Variants in RBFOX2 observed in about 807,000 individuals in gnomAD.
RBFOX2 encodes the protein RNA binding protein fox-1 homolog 2.
RBFOX2 carries 10 observed loss-of-function variants against 49.1 expected under a neutral mutation model. That is an observed-to-expected ratio of 0.20 (90% confidence interval 0.13 to 0.35). The LOEUF (loss-of-function observed/expected upper bound fraction) is 0.35. Ranked by LOEUF, RBFOX2 falls within the 10% of genes least tolerant of loss-of-function variation. The pLI is 1.00. For synonymous variants in RBFOX2, 183 were observed against 187.4 expected (o/e 0.98, Z 0.19); for missense variants, 323 against 486.9 (o/e 0.66, Z 3.17).
intron 2 of RBFOX2, 149 bp downstream of exon 3, chr22:35,809,631 A>G: frequency 1.1e-6 from 1 of 900,044 alleles, no homozygotes; most frequent in East Asian, 2.4e-5. Context: ...AGGGAGGACA[A>G]TGTATACAAT....
intron 8 of RBFOX2, among the ~76,000 whole-genome samples, 192 bp from the exon 10 acceptor site, chr22:35,760,212 C>T (rs1938295581): frequency 6.6e-6 from 1 of 152,136 alleles, no homozygotes; most frequent in South Asian, 2.1e-4. Context: ...AAAGAGAGAC[C>T]CAACATGCAA....
intron 1 of RBFOX2, chr22:35,993,836 AT>A (rs1356704260): frequency 1.3e-5 from 2 of 152,080 alleles, no homozygotes; most frequent in African/African-American, 4.8e-5. Flanking sequence ...AAAATACAAA[AT>A]TTAGCCAGGT....
At chr22:35,838,331 C>T (rs575308630) in intron 1 of RBFOX2, among the ~76,000 whole-genome samples, 1 of 150,788 alleles carries the variant, frequency 6.6e-6, no homozygotes, top group Non-Finnish European at 1.5e-5. Flanking sequence ...TTGTTACACT[C>T]GGCCACAAAT....
At chr22:35,814,444 C>T (rs1271154552) in intron 1 of RBFOX2, among the ~76,000 whole-genome samples, 3 of 151,948 alleles carry the variant, frequency 2.0e-5, no homozygotes, top group Admixed American at 2.0e-4. Flanking sequence ...CATGGTGGCT[C>T]ATGCCTGTAA....
intron 2 of RBFOX2, among the ~76,000 whole-genome samples, chr22:35,802,627 T>C (rs1399273443): frequency 6.6e-6 from 1 of 152,082 alleles, no homozygotes; most frequent in Admixed American, 6.6e-5. Flanking sequence ...GAAGGAGTGG[T>C]AGAAAATCCA....
At chr22:35,897,264 T>C (rs1192061608) in intron 1 of RBFOX2, 1 of 1,503,050 alleles carries the variant, frequency 6.7e-7, no homozygotes, top group East Asian at 2.3e-5. Flanking sequence ...CGGGAGGCAC[T>C]AAATGTTGAC....
At chr22:35,747,688 C>A (rs1933283645) in intron 9 of RBFOX2, 1 of 152,134 alleles carries the variant, frequency 6.6e-6, no homozygotes, top group African/African-American at 2.4e-5. Context: ...AATTCAGATG[C>A]AAATTTTTAT....
intron 1 of RBFOX2, among the ~76,000 whole-genome samples, chr22:35,852,495 A>G (rs1036191899): frequency 2.0e-5 from 3 of 152,002 alleles, no homozygotes; most frequent in Non-Finnish European, 2.9e-5. Flanking sequence ...TTAAAAAAAA[A>G]AAAAAAAAAA....
At chr22:35,937,667 T>C (rs750258492) in intron 1 of RBFOX2, among the ~76,000 whole-genome samples, 4 of 152,048 alleles carry the variant, frequency 2.6e-5, no homozygotes, top group Non-Finnish European at 5.9e-5. Context: ...CTCAGCTCAC[T>C]GCAACCTCTA....
exon 8 of RBFOX2, chr22:35,761,263 G>A: frequency 6.2e-7 from 1 of 1,614,136 alleles, no homozygotes; most frequent in Non-Finnish European, 8.5e-7. Flanking sequence ...CTGCATCATT[G>A]CCTAGGGACA....
At chr22:35,979,099 T>C (rs946040414) in intron 1 of RBFOX2, among the ~76,000 whole-genome samples, 2 of 152,172 alleles carry the variant, frequency 1.3e-5, no homozygotes, top group Admixed American at 6.5e-5. Context: ...CCTCCAGATA[T>C]GATGCAATGA....
chr22:36,025,419 G>A (rs927835482), intron 1 of RBFOX2, among the ~76,000 whole-genome samples: 2 of 151,540 alleles, frequency 1.3e-5, no homozygotes, highest in Non-Finnish European at 2.9e-5. Flanking sequence ...TTTCTTTTTA[G>A]CCCTTATCAC....
intron 2 of RBFOX2, among the ~76,000 whole-genome samples, chr22:35,790,901 G>A (rs1947460471): frequency 6.6e-6 from 1 of 152,080 alleles, no homozygotes; most frequent in African/African-American, 2.4e-5. Flanking sequence ...CCAGCTACTT[G>A]GGAGGCTGAG....
rs1235639880 is a variant in RBFOX2, at chr22:35,957,464, C to T, written c.42+4099G>A. ...ACCCTCCTTACCTTGCAACCATATT[C>T]ACATAGCACAGACTGACCTTACAGA... On this transcript the variant is annotated intron_variant, in intron 1 of 5. Coordinates refer to the RBFOX2 transcript ENST00000408983. 2.0e-5 allele frequency among the ~76,000 whole-genome samples: 3 copies of T among 152,330 alleles called. No homozygotes were observed. The East Asian group carries it at 5.8e-4, about 29-fold the overall frequency.
At chr22:35,965,926 A>G (rs1215679463), upstream of RBFOX2, among the ~76,000 whole-genome samples, 2 of 152,186 alleles carry the variant, frequency 1.3e-5, no homozygotes, top group African/African-American at 2.4e-5. Context: ...ACCTAAGTGC[A>G]TAACTCAATG....
intron 1 of RBFOX2, among the ~76,000 whole-genome samples, chr22:35,859,005 A>C (rs574236873): frequency 6.6e-5 from 10 of 152,324 alleles, no homozygotes; most frequent in African/African-American, 2.2e-4. Flanking sequence ...CAATCATGAT[A>C]TCTTCAACAT....
At chr22:35,799,521 C>A (rs1274007802) in intron 2 of RBFOX2, among the ~76,000 whole-genome samples, 1 of 152,146 alleles carries the variant, frequency 6.6e-6, no homozygotes, top group Non-Finnish European at 1.5e-5. Flanking sequence ...TGTACAAGTT[C>A]TTTTCTTTTT....
intron 1 of RBFOX2, among the ~76,000 whole-genome samples, chr22:35,910,144 A>G (rs1056353936): frequency 2.0e-5 from 3 of 152,244 alleles, no homozygotes; most frequent in Admixed American, 1.3e-4. Context: ...AAGCCAATGA[A>G]GTCACTTCCT....
intron 1 of RBFOX2, among the ~76,000 whole-genome samples, chr22:35,837,790 A>T (rs1957958773): frequency 6.6e-6 from 1 of 152,214 alleles, no homozygotes; most frequent in Non-Finnish European, 1.5e-5. Flanking sequence ...AGGTGATTTT[A>T]TTATTAGAAT....
Sources: allele counts gnomAD v4.1 joint callset (sites outside exome capture counted in the v4.1 genomes callset), GRCh38; gene constraint gnomAD v4.1.1; transcripts MANE v1.5; gene names NCBI Gene and HGNC (gene_info 2026-07-23, HGNC 2026-07-21).